Variants in RRP12 observed in about 807,000 individuals in gnomAD.
The protein encoded by RRP12 is ribosomal RNA processing 12 homolog, also known as RRP12-like protein.
A neutral mutation model predicts 157.3 loss-of-function variants in RRP12; 78 were observed. The observed-to-expected ratio is 0.50, with a 90% CI of 0.41 to 0.60. RRP12 has a LOEUF of 0.60. RRP12 is among the 20% of genes least tolerant of loss of function. RRP12 has a pLI of 0.00. For missense variants in RRP12, 1,521 were observed against 1,679.9 expected (o/e 0.91, Z 1.65); for synonymous variants, 726 against 670.9 (o/e 1.08, Z -1.27).
intron 4 of RRP12, chr10:97,393,399 C>G: frequency 1.7e-6 from 1 of 585,080 alleles, no homozygotes; most frequent in South Asian, 1.4e-5. Flanking sequence ...GAATGTCTGC[C>G]TGGACACACA....
Position 97,396,109 on chromosome 10 carries a change from G to C in RRP12, c.453+109C>G, listed in dbSNP as rs1271204527. The C allele has an allele frequency of 7.7e-6, 6 of 782,042 alleles. No individual in the cohort carries two copies. In the African/African-American group the frequency reaches 1.0e-4, roughly 13 times the overall value. The allele number at this position is 782,042 out of a possible 1,614,324, so 48.4% of individuals were successfully genotyped here. ...GAGAATAACTGAAGCACTTTCACCT[G>C]GTCAAGGTTGTCCTTCTCTACCCCC... On this transcript the variant is annotated intron_variant, in intron 3 of 33. Transcript: ENST00000370992.
At chr10:97,357,687 G>A (rs1367688332) in intron 33 of RRP12, among the ~76,000 whole-genome samples, 7 of 152,178 alleles carry the variant, frequency 4.6e-5, no homozygotes, top group Admixed American at 3.3e-4. Context: ...GGCTGGGCGT[G>A]GTGGCTCATG....
Position 97,371,962 on chromosome 10 carries a change from C to T in RRP12, c.2343+111G>A, listed in dbSNP as rs796796782. On this transcript the variant is annotated intron_variant, in intron 20 of 33. Transcript: ENST00000370992. ...CACTGCAGGAGAAAGCAGACAGGGA[C>T]CTGATCTCGGGAAGCAGCAAGGGAC... The T allele has an allele frequency of 2.2e-5, 15 of 687,906 alleles. 1 individual carries two copies. In the African/African-American group the frequency reaches 2.5e-4, roughly 11 times the overall value. The allele number at this position is 687,906 out of a possible 1,614,324, so 42.6% of individuals were successfully genotyped here.
chr10:97,388,654 C>T (rs999373249), intron 6 of RRP12, 30 bp from the exon 7 acceptor site: 2 of 1,607,996 alleles, frequency 1.2e-6, no homozygotes, highest in Admixed American at 3.4e-5. Flanking sequence ...GGAGACAAGG[C>T]CAGATCAGCG....
At chr10:97,364,033 G>A (rs1054221671) in intron 29 of RRP12, 130 bp from the exon 30 acceptor site, 25 of 757,266 alleles carry the variant, frequency 3.3e-5, no homozygotes, top group Non-Finnish European at 5.0e-5. Context: ...GCCTTCCTCA[G>A]ACCAATATCA....
At position 97,369,616 on chromosome 10, in the gene RRP12, C is replaced by G. The variant is rs779843316; in HGVS notation, c.2798-34G>C. 5.8e-6 allele frequency: 9 copies of G among 1,544,242 alleles called. No homozygotes were observed. In the South Asian group the frequency reaches 9.6e-5, roughly 16 times the overall value. The stretch of plus-strand genomic sequence containing the variant: ...GTGAGGGGGTCACTGTCTAAGACAC[C>G]CAGGACCCCACTCAGACCCAAACCT... On this transcript the variant is annotated intron_variant, in intron 24 of 33. Coordinates refer to ENST00000370992, the MANE Select transcript of RRP12 (RefSeq NM_015179.4).
At chr10:97,372,665 T>G in intron 19 of RRP12, 71 bp downstream of exon 19, 1 of 1,213,922 alleles carries the variant, frequency 8.2e-7, no homozygotes, top group South Asian at 1.3e-5. Context: ...GAACCCACAG[T>G]GCTTCTGCCA....
chr10:97,366,504 C>T lies in RRP12; in HGVS notation c.3333G>A (p.Glu1111=), dbSNP rs755586043. ...ARQRSRAWLK[E]GGGDEPLNFL... Reference sequence around the variant, plus strand: ...AGTTGAGGGGCTCGTCCCCACCGCCCTCTTTCAGCCATGCCCGGCTCCTCT... The same window carrying T: ...AGTTGAGGGGCTCGTCCCCACCGCCTTCTTTCAGCCATGCCCGGCTCCTCT... Residue 1111 remains glutamate, a synonymous_variant, in exon 28 of 34, where the codon GAG becomes GAA. Transcript: ENST00000370992. The T allele has an allele frequency of 1.2e-6, 2 of 1,613,972 alleles. No homozygotes were observed. The highest frequency in any genetic ancestry group is 1.3e-5 in the African/African-American group (1 of 74,936).
intron 29 of RRP12, 123 bp downstream of exon 29, chr10:97,365,985 A>T: frequency 7.5e-7 from 1 of 1,327,296 alleles, no homozygotes; most frequent in Non-Finnish European, 1.0e-6. Context: ...AAACTCAAAA[A>T]GTTTGAGGAA....
intron 24 of RRP12, 35 bp downstream of exon 24, chr10:97,370,132 G>T: frequency 7.1e-7 from 1 of 1,412,122 alleles, no homozygotes; most frequent in South Asian, 1.2e-5. Flanking sequence ...CCTAATCTGA[G>T]GGCTTCTCAG....
At chr10:97,389,155 C>CA (rs1844725189) in intron 6 of RRP12, among the ~76,000 whole-genome samples, 1 of 151,946 alleles carries the variant, frequency 6.6e-6, no homozygotes, top group Non-Finnish European at 1.5e-5. Context: ...AGTGCAGTGG[C>CA]GGATCTCGGC....
intron 29 of RRP12, chr10:97,365,863 A>G: frequency 1.9e-6 from 1 of 525,428 alleles, no homozygotes; most frequent in Non-Finnish European, 3.4e-6. Flanking sequence ...TATCACACAC[A>G]GTAAGGGGAA....
chr10:97,394,408 GT>G (rs1380034177), intron 3 of RRP12, among the ~76,000 whole-genome samples: 6 of 152,130 alleles, frequency 3.9e-5, no homozygotes, highest in Non-Finnish European at 5.9e-5. Context: ...TAGATAGATA[GT>G]TTTTTTGAGA....
chr10:97,398,868 C>A (rs921699139), intron 2 of RRP12, among the ~76,000 whole-genome samples: 2 of 152,014 alleles, frequency 1.3e-5, no homozygotes, highest in Non-Finnish European at 2.9e-5. Flanking sequence ...GTAAATTATA[C>A]ACTAGATTTT....
rs758293781 is a variant in RRP12, at chr10:97,401,097, C to A, written c.135G>T (p.Pro45=). 6.2e-7 allele frequency: 1 copy of A among 1,613,184 alleles called. No homozygotes were observed. Among genetic ancestry groups the A allele is most frequent in the South Asian group, 1.1e-5 (1 of 91,014 alleles). ...QAARSRFFSR[P]SGRSDLTVDA... is the part of the protein sequence containing the mutation. ...CTCGGGTCTCAACCCAGCTACCTGA[C>A]GGCCGGCTGAAGAAGCGGCTGCGGG... The change falls in exon 1 of 34, where the codon CCG becomes CCT. Residue 45 remains proline (P), a synonymous_variant. Transcript: ENST00000370992.
intron 23 of RRP12, 22 bp downstream of exon 23, chr10:97,370,433 C>T (rs1252795752): frequency 3.2e-6 from 5 of 1,554,272 alleles, no homozygotes; most frequent in Non-Finnish European, 4.4e-6. Context: ...AGAGTGTCCA[C>T]CCCCAGCCCC....
chr10:97,387,711 C>T (rs935868467), intron 8 of RRP12, among the ~76,000 whole-genome samples: 2 of 151,406 alleles, frequency 1.3e-5, no homozygotes, highest in South Asian at 2.1e-4. Context: ...GAGGTTGAGG[C>T]GGGCAGATCA....
rs368394924 is a variant in RRP12 at position 97,372,144 on chromosome 10, C to A, written c.2272G>T (p.Val758Leu). 6.2e-7 allele frequency: 1 copy of A among 1,613,576 alleles called. No homozygotes were observed. Among genetic ancestry groups the A allele is most frequent in the Non-Finnish European group, 8.5e-7 (1 of 1,179,824 alleles). ...TCGTCAGCACACGGAGCCAAGGCCA[C>A]GACCAGGTCCAGGACAGACAATCTG... Reference protein sequence around the residue: ...FTRLSVLDLVVALAPCADEAA... With the variant: ...FTRLSVLDLVLALAPCADEAA... Residue 758 changes from valine to leucine, a missense_variant, in exon 20 of 34, where the codon GTG becomes TTG. Physicochemically the swap from Val to Leu is conservative, Grantham distance 32. Transcript: ENST00000370992.
At chr10:97,390,339 C>T (rs1349165681) in intron 6 of RRP12, 84 bp downstream of exon 6, 4 of 1,031,834 alleles carry the variant, frequency 3.9e-6, no homozygotes, top group Non-Finnish European at 6.1e-6. Context: ...TCCCCAGTGC[C>T]ACTCAGCTAG....
Sources: gnomAD v4.1 joint callset for allele counts (sites outside exome capture counted in the v4.1 genomes callset) on GRCh38, gnomAD v4.1.1 for gene constraint, MANE v1.5 for transcripts, NCBI Gene and HGNC (gene_info 2026-07-23, HGNC 2026-07-21) for gene names.